Variants in GATA4 observed in about 807,000 individuals in gnomAD.
GATA4 encodes the protein transcription factor GATA-4.
A neutral mutation model predicts 37.9 loss-of-function variants in GATA4; 7 were observed. The observed-to-expected ratio is 0.18, with a 90% CI of 0.11 to 0.35. The LOEUF is 0.35. Ranked by LOEUF, GATA4 falls within the 10% of genes least tolerant of loss-of-function variation. The pLI, the probability that GATA4 is intolerant of heterozygous loss-of-function variation, is 1.00. For missense variants in GATA4, 647 were observed against 653.0 expected (o/e 0.99, Z 0.10); for synonymous variants, 372 against 292.6 (o/e 1.27, Z -2.77).
chr8:11,718,000 C>T (rs944849410), intron 2 of GATA4, among the ~76,000 whole-genome samples: 1 of 152,230 alleles, frequency 6.6e-6, no homozygotes, highest in Non-Finnish European at 1.5e-5. Context: ...ACTCAAAAAT[C>T]CCTTTCCTAA....
intron 1 of GATA4, among the ~76,000 whole-genome samples, chr8:11,678,765 A>G (rs1478781095): frequency 2.6e-5 from 4 of 152,180 alleles, no homozygotes; most frequent in Non-Finnish European, 5.9e-5. Context: ...CACTTTATGA[A>G]CTATTTTTTT....
intron 1 of GATA4, among the ~76,000 whole-genome samples, chr8:11,698,262 T>C (rs537987217): frequency 6.6e-6 from 1 of 152,228 alleles, no homozygotes; most frequent in Non-Finnish European, 1.5e-5. Flanking sequence ...TTCAACACTG[T>C]ATTTGACTTA....
At chr8:11,692,469 C>T, upstream of GATA4, 5 of 950,568 alleles carry the variant, frequency 5.3e-6, no homozygotes, top group African/African-American at 1.8e-5. Context: ...GAATATTGAC[C>T]GGTGTCCTGA....
At chr8:11,744,550 C>G (rs993860814) in intron 2 of GATA4, among the ~76,000 whole-genome samples, 1 of 152,168 alleles carries the variant, frequency 6.6e-6, no homozygotes, top group East Asian at 1.9e-4. Context: ...TGGTGCTTAC[C>G]GAGGTTCATA....
chr8:11,737,971 A>G (rs957261355), intron 2 of GATA4, among the ~76,000 whole-genome samples: 2 of 152,154 alleles, frequency 1.3e-5, no homozygotes, highest in African/African-American at 4.8e-5. Context: ...ACCTAGGCTC[A>G]GGAGTTCAAG....
intron 2 of GATA4, among the ~76,000 whole-genome samples, chr8:11,743,287 A>G (rs1801849860): frequency 6.6e-6 from 1 of 152,288 alleles, no homozygotes; most frequent in Admixed American, 6.5e-5. Flanking sequence ...CGTTACGTCT[A>G]GCACTTGGAC....
intron 2 of GATA4, among the ~76,000 whole-genome samples, chr8:11,736,595 C>CG (rs1025825833): frequency 2.0e-5 from 3 of 152,338 alleles, no homozygotes; most frequent in South Asian, 2.1e-4. Context: ...GTCAAGACCC[C>CG]GGGGGGTGTG....
At chr8:11,729,545 G>C (rs1801103086) in intron 2 of GATA4, among the ~76,000 whole-genome samples, 1 of 132,522 alleles carries the variant, frequency 7.5e-6, no homozygotes, top group Non-Finnish European at 1.7e-5. Context: ...AACAGTGCGA[G>C]ACTGTGTCTC....
At chr8:11,697,745 C>T in intron 1 of GATA4, 1 of 985,484 alleles carries the variant, frequency 1.0e-6, no homozygotes. Flanking sequence ...CTCGCCGCGC[C>T]AGGTCGCGGC....
At chr8:11,688,514 G>A (rs567021702), upstream of GATA4, among the ~76,000 whole-genome samples, 18 of 127,392 alleles carry the variant, frequency 1.4e-4, no homozygotes, top group Middle Eastern at 4.1e-3. Context: ...ATGCATGCGC[G>A]TGCGCGCATG....
At chr8:11,698,685 C>T (rs963695163) in intron 1 of GATA4, among the ~76,000 whole-genome samples, 11 of 152,156 alleles carry the variant, frequency 7.2e-5, no homozygotes, top group Non-Finnish European at 1.0e-4. Context: ...CCCGGAGGCC[C>T]GGGGACTCCC....
At position 11,692,805 on chromosome 8, in the gene GATA4, G is replaced by C. The variant is rs1223910448; in HGVS notation, c.-729+145G>C. On this transcript the variant is annotated intron_variant, in intron 1 of 2. Transcript: ENST00000526974. ...GCCGAGGGGAGGAAGCGGGGCCGGC[G>C]CAGCGGGCGCCAGGCCGGGCAGAGG... 29 of 981,654 alleles carry C rather than the reference G, an allele frequency of 3.0e-5. No individual in the cohort carries two copies. In the Admixed American group the frequency reaches 4.3e-4, roughly 15 times the overall value. The allele number at this position is 981,654 out of a possible 1,614,324, so 60.8% of individuals were successfully genotyped here.
intron 4 of GATA4, among the ~76,000 whole-genome samples, chr8:11,752,193 G>A (rs1802335871): frequency 6.6e-6 from 1 of 152,198 alleles, no homozygotes; most frequent in African/African-American, 2.4e-5. Context: ...CATACTATGA[G>A]TGTCGAAGGT....
intron 1 of GATA4, among the ~76,000 whole-genome samples, chr8:11,698,770 G>C (rs1368105611): frequency 1.3e-5 from 2 of 152,148 alleles, no homozygotes; most frequent in African/African-American, 2.4e-5. Flanking sequence ...GCACAGGGAA[G>C]TCCCTTCTTC....
At chr8:11,703,821 C>T (rs1195983028), upstream of GATA4, among the ~76,000 whole-genome samples, 1 of 152,212 alleles carries the variant, frequency 6.6e-6, no homozygotes, top group Non-Finnish European at 1.5e-5. Flanking sequence ...GAGAGTTGAG[C>T]CCAAGAGGTC....
chr8:11,720,241 G>C (rs1800610316), intron 2 of GATA4, among the ~76,000 whole-genome samples: 1 of 151,876 alleles, frequency 6.6e-6, no homozygotes, highest in Admixed American at 6.6e-5. Flanking sequence ...TTAAAATCGA[G>C]TGTCTTCCGG....
chr8:11,758,457 G>A lies in GATA4; in HGVS notation c.1314G>A (p.Gly438=). Reference sequence around the variant, plus strand: ...GCCTGGTCTTGGCCGACAGTCACGGGGACATAATCACTGCGTAATCTTCCC... The same window carrying A: ...GCCTGGTCTTGGCCGACAGTCACGGAGACATAATCACTGCGTAATCTTCCC... ...WNSLVLADSH[G]DIITA is the part of the protein sequence containing the mutation. Residue 438 remains glycine (G), a synonymous_variant, in exon 7 of 7, where the codon GGG becomes GGA. Coordinates refer to ENST00000532059, the MANE Select transcript of GATA4 (RefSeq NM_001308093.3). 6.2e-7 allele frequency: 1 copy of A among 1,614,172 alleles called. No individual in the cohort carries two copies. The highest frequency in any genetic ancestry group is 8.5e-7 in the Non-Finnish European group (1 of 1,180,034).
At chr8:11,741,541 C>G (rs1457470192) in intron 2 of GATA4, among the ~76,000 whole-genome samples, 2 of 152,086 alleles carry the variant, frequency 1.3e-5, no homozygotes, top group East Asian at 3.9e-4. Flanking sequence ...AGTTCGCGGA[C>G]TTAGCTCTAT....
chr8:11,730,654 G>A (rs1801160940), intron 2 of GATA4, among the ~76,000 whole-genome samples: 1 of 152,226 alleles, frequency 6.6e-6, no homozygotes, highest in Non-Finnish European at 1.5e-5. Flanking sequence ...TGTGGGAAAA[G>A]GGATGATATT....
Sources: allele counts gnomAD v4.1 joint callset (sites outside exome capture counted in the v4.1 genomes callset), GRCh38; gene constraint gnomAD v4.1.1; transcripts MANE v1.5; gene names NCBI Gene and HGNC (gene_info 2026-07-23, HGNC 2026-07-21).